AGMO: variants seen among roughly 807,000 people sequenced by gnomAD.
AGMO encodes the protein alkylglycerol monooxygenase.
Under a neutral mutation model 60.2 loss-of-function variants are expected in AGMO, and 75 were observed. The observed-to-expected ratio is 1.25, with a 90% CI of 1.03 to 1.51. AGMO has a LOEUF of 1.51. AGMO is among the 40% of genes most tolerant of loss of function. The pLI, the probability that AGMO is intolerant of heterozygous loss-of-function variation, is 0.00. For synonymous variants in AGMO, 261 were observed against 177.1 expected, an observed-to-expected ratio of 1.47 and a Z score of -3.76; for missense variants, 763 against 525.5, an observed-to-expected ratio of 1.45 and a Z score of -4.42.
At chr7:15,560,116 C>A in intron 2 of AGMO, 25 bp downstream of exon 2, 1 of 1,568,338 alleles carries the variant, frequency 6.4e-7, no homozygotes, top group South Asian at 1.2e-5. Context: ...TTTTTATGCT[C>A]AGCGTTGTTG....
intron 12 of AGMO, among the ~76,000 whole-genome samples, chr7:15,324,173 C>T (rs745595612): frequency 6.6e-6 from 1 of 152,190 alleles, no homozygotes; most frequent in African/African-American, 2.4e-5. Flanking sequence ...TCAGCTAATA[C>T]AAACTGGCCT....
chr7:15,290,855 C>T (rs1250258792), intron 12 of AGMO, among the ~76,000 whole-genome samples: 1 of 152,142 alleles, frequency 6.6e-6, no homozygotes, highest in East Asian at 1.9e-4. Context: ...CCACCTGATT[C>T]AGAATCTGTA....
chr7:15,513,940 C>T (rs1029633655), intron 3 of AGMO, among the ~76,000 whole-genome samples: 1 of 152,118 alleles, frequency 6.6e-6, no homozygotes, highest in African/African-American at 2.4e-5. Context: ...TCCTATGACC[C>T]CCAAACACTA....
chr7:15,252,720 G>C (rs147127477), intron 12 of AGMO, among the ~76,000 whole-genome samples: 1 of 152,214 alleles, frequency 6.6e-6, no homozygotes, highest in Non-Finnish European at 1.5e-5. Flanking sequence ...TTAAGAACTT[G>C]TGATTCTTGA....
At chr7:15,330,778 A>G (rs1781474821) in intron 12 of AGMO, among the ~76,000 whole-genome samples, 1 of 152,012 alleles carries the variant, frequency 6.6e-6, no homozygotes, top group Admixed American at 6.6e-5. Flanking sequence ...GTGACTTTGG[A>G]CAATTTACTT....
intron 6 of AGMO, among the ~76,000 whole-genome samples, chr7:15,393,137 A>T (rs1311789564): frequency 6.6e-6 from 1 of 152,246 alleles, no homozygotes; most frequent in African/African-American, 2.4e-5. Flanking sequence ...CTGGAATTGG[A>T]GAATGACTGT....
Position 15,322,535 on chromosome 7 carries a change from AATAT to A in AGMO, c.1263+42975_1263+42978del, listed in dbSNP as rs1298513890. Among the ~76,000 whole-genome samples the A allele has an allele frequency of 8.1e-3, 431 of 53,450 alleles. 15 individuals carry two copies. The highest frequency in any genetic ancestry group is 0.019 in the South Asian group (33 of 1,704). 35.1% of individuals were successfully genotyped at this position (53,450 alleles called of 152,430 possible). A position where few individuals can be genotyped will look rare whatever the true frequency, so the allele number is the denominator to read the frequency against. On this transcript the variant is annotated intron_variant, in intron 12 of 12. Transcript: ENST00000342526. The stretch of plus-strand genomic sequence containing the variant: ...ATATATAAATATATATAAATATATA[AATAT>A]ATATATAAATATATATAAATATATA...
intron 3 of AGMO, among the ~76,000 whole-genome samples, chr7:15,526,017 C>A (rs1308993417): frequency 6.6e-6 from 1 of 152,186 alleles, no homozygotes; most frequent in Non-Finnish European, 1.5e-5. Context: ...GTGTTTAGAA[C>A]CACGGGCCGC....
At chr7:15,246,412 T>C (rs1049138905) in intron 12 of AGMO, among the ~76,000 whole-genome samples, 4 of 152,328 alleles carry the variant, frequency 2.6e-5, no homozygotes, top group Middle Eastern at 3.4e-3. Flanking sequence ...TTTTATATTC[T>C]CTGATAAGGT....
At chr7:15,454,046 CACT>C (rs1281058118) in intron 3 of AGMO, among the ~76,000 whole-genome samples, 1 of 145,754 alleles carries the variant, frequency 6.9e-6, no homozygotes, top group Non-Finnish European at 1.5e-5. Context: ...ATATATATAC[CACT>C]AGAGAGAATT....
chr7:15,312,913 C>A (rs910167426), intron 12 of AGMO, among the ~76,000 whole-genome samples: 10 of 152,094 alleles, frequency 6.6e-5, no homozygotes, highest in South Asian at 4.1e-4. Flanking sequence ...AAGCAGTCCA[C>A]CCACCTCGGC....
intron 12 of AGMO, among the ~76,000 whole-genome samples, chr7:15,238,404 A>C (rs1334946187): frequency 1.3e-5 from 2 of 151,902 alleles, no homozygotes; most frequent in East Asian, 1.9e-4. Context: ...AATAGCTAGA[A>C]GAAAAAATTG....
intron 3 of AGMO, among the ~76,000 whole-genome samples, chr7:15,467,628 G>T (rs1324400264): frequency 6.6e-6 from 1 of 152,006 alleles, no homozygotes; most frequent in Non-Finnish European, 1.5e-5. Context: ...TTTCTATAAT[G>T]GTTCTTCCAG....
chr7:15,241,828 G>T (rs548309416), intron 12 of AGMO, among the ~76,000 whole-genome samples: 2 of 152,166 alleles, frequency 1.3e-5, no homozygotes, highest in African/African-American at 4.8e-5. Flanking sequence ...TGTAGACCAG[G>T]CTGGGCTCTT....
At chr7:15,445,351 T>C (rs1312269379) in intron 3 of AGMO, among the ~76,000 whole-genome samples, 1 of 152,184 alleles carries the variant, frequency 6.6e-6, no homozygotes, top group Non-Finnish European at 1.5e-5. Flanking sequence ...TCTATAATGA[T>C]GAGATAGCTC....
chr7:15,232,828 A>ACACACACACAC (rs1385058870), intron 12 of AGMO, among the ~76,000 whole-genome samples: 5 of 93,900 alleles, frequency 5.3e-5, no homozygotes, highest in East Asian at 3.7e-4. Flanking sequence ...CACACACACA[A>ACACACACACAC]AAACTAAAGA....
At chr7:15,521,490 T>G (rs1216460225) in intron 3 of AGMO, among the ~76,000 whole-genome samples, 1 of 152,112 alleles carries the variant, frequency 6.6e-6, no homozygotes, top group Non-Finnish European at 1.5e-5. Flanking sequence ...ATTAAAAAGC[T>G]TATCCCCCAT....
At chr7:15,369,643 G>T (rs1186264277) in intron 10 of AGMO, among the ~76,000 whole-genome samples, 1 of 151,908 alleles carries the variant, frequency 6.6e-6, no homozygotes, top group Non-Finnish European at 1.5e-5. Context: ...CTGTTTTATT[G>T]CTCTTCATAT....
intron 12 of AGMO, among the ~76,000 whole-genome samples, chr7:15,342,999 T>C (rs1429526120): frequency 1.3e-5 from 2 of 152,036 alleles, no homozygotes; most frequent in African/African-American, 4.8e-5. Flanking sequence ...TGTCATTCCC[T>C]TTTATGAATG....
Sources: gnomAD v4.1 joint callset for allele counts (sites outside exome capture counted in the v4.1 genomes callset) on GRCh38, gnomAD v4.1.1 for gene constraint, MANE v1.5 for transcripts, NCBI Gene and HGNC (gene_info 2026-07-23, HGNC 2026-07-21) for gene names.